The following TSPAN9 variants were observed in gnomAD, a reference collection of about 807,000 sequenced individuals.
The protein encoded by TSPAN9 is tetraspanin-9.
A neutral mutation model predicts 31.0 loss-of-function variants in TSPAN9; 16 were observed. The ratio of observed to expected loss-of-function variants is 0.52; its 90% CI spans 0.35 to 0.78. The LOEUF is 0.78. Ranked by LOEUF, TSPAN9 falls within the 30% of genes least tolerant of loss-of-function variation. The probability of loss-of-function intolerance (pLI) is 0.01; values close to 1 mark genes in which losing one functional copy is unlikely to be tolerated. For synonymous variants in TSPAN9, 145 were observed against 121.6 expected (o/e 1.19, Z -1.27); for missense variants, 272 against 312.5 (o/e 0.87, Z 0.98).
intron 2 of TSPAN9, among the ~76,000 whole-genome samples, chr12:3,113,310 A>G (rs1368013264): frequency 1.3e-5 from 2 of 152,138 alleles, no homozygotes; most frequent in African/African-American, 2.4e-5. Flanking sequence ...CCTGCAAAGG[A>G]TGGAGAGAGC....
chr12:3,207,391 T>C (rs568818132), intron 3 of TSPAN9, among the ~76,000 whole-genome samples: 1 of 152,298 alleles, frequency 6.6e-6, no homozygotes, highest in Admixed American at 6.5e-5. Flanking sequence ...AGTTAAGTCT[T>C]CTGAGCCAGC....
chr12:3,128,400 C>T (rs527286663), intron 2 of TSPAN9, among the ~76,000 whole-genome samples: 6 of 152,250 alleles, frequency 3.9e-5, no homozygotes, highest in East Asian at 3.9e-4. Flanking sequence ...ACACAGAAGG[C>T]GTGATTTCAG....
chr12:3,140,838 G>A (rs1373747186), intron 2 of TSPAN9, among the ~76,000 whole-genome samples: 4 of 152,016 alleles, frequency 2.6e-5, no homozygotes, highest in Non-Finnish European at 5.9e-5. Context: ...GTGGACCAGG[G>A]GAGGTTTGGA....
intron 2 of TSPAN9, among the ~76,000 whole-genome samples, chr12:3,113,170 A>C (rs1010509048): frequency 6.6e-6 from 1 of 152,200 alleles, no homozygotes; most frequent in African/African-American, 2.4e-5. Context: ...GAGCCCATCA[A>C]GGGAATACAT....
chr12:3,234,122 A>G (rs1041533589), intron 3 of TSPAN9, among the ~76,000 whole-genome samples: 6 of 152,208 alleles, frequency 3.9e-5, no homozygotes, highest in African/African-American at 4.8e-5. Flanking sequence ...CCAAGTGCCT[A>G]TAAAAAAGAT....
chr12:3,205,757 G>A (rs902747242), intron 3 of TSPAN9, among the ~76,000 whole-genome samples: 2 of 151,748 alleles, frequency 1.3e-5, no homozygotes, highest in Admixed American at 6.6e-5. Flanking sequence ...AGGGGTTCAG[G>A]CTGTCTTCCT....
intron 6 of TSPAN9, 105 bp from the exon 7 acceptor site, chr12:3,281,093 G>A: frequency 6.6e-7 from 1 of 1,509,780 alleles, no homozygotes; most frequent in South Asian, 1.3e-5. Context: ...ACTGCAGGGT[G>A]GCCACTTTTG....
chr12:3,151,918 A>G (rs904477874), intron 2 of TSPAN9, among the ~76,000 whole-genome samples: 1 of 147,526 alleles, frequency 6.8e-6, no homozygotes, highest in Admixed American at 6.7e-5. Flanking sequence ...GTGAGACTCC[A>G]CCTCAAAAAA....
At chr12:3,177,822 AAG>A (rs1302627650) in intron 2 of TSPAN9, among the ~76,000 whole-genome samples, 3 of 152,210 alleles carry the variant, frequency 2.0e-5, no homozygotes, top group Non-Finnish European at 2.9e-5. Flanking sequence ...CCAGGAAACA[AAG>A]AAGTGAAATT....
chr12:3,177,433 G>A (rs908910503), intron 2 of TSPAN9, among the ~76,000 whole-genome samples: 5 of 144,770 alleles, frequency 3.5e-5, no homozygotes, highest in Admixed American at 2.7e-4. Context: ...CACTGTGCTC[G>A]GCCAAGAAAA....
At chr12:3,235,115 G>A (rs368539051) in intron 3 of TSPAN9, among the ~76,000 whole-genome samples, 7,931 of 136,032 alleles carry the variant, frequency 0.058, 334 homozygotes, top group South Asian at 0.077. Flanking sequence ...TGCAGTGAGC[G>A]GAGCTTGCAG....
intron 2 of TSPAN9, among the ~76,000 whole-genome samples, chr12:3,199,315 A>G (rs1307966536): frequency 6.6e-6 from 1 of 151,666 alleles, no homozygotes; most frequent in African/African-American, 2.4e-5. Flanking sequence ...TGCTCTCAGT[A>G]CTCTCTTCCT....
At chr12:3,215,615 C>T (rs1237148335) in intron 3 of TSPAN9, among the ~76,000 whole-genome samples, 1 of 152,254 alleles carries the variant, frequency 6.6e-6, no homozygotes. Flanking sequence ...CTCCACCAGG[C>T]AGCCCCAAGT....
chr12:3,113,739 G>T lies in TSPAN9; in HGVS notation c.-18+30020G>T, dbSNP rs373840254. Among the ~76,000 whole-genome samples, 274 of 152,274 alleles carry T rather than the reference G, an allele frequency of 1.8e-3. 2 individuals are homozygous for T. The highest frequency in any genetic ancestry group is 6.2e-3 in the African/African-American group (259 of 41,552). The stretch of plus-strand genomic sequence containing the variant: ...TTCGAGAGTGCCAGCTGCCATGCAT[G>T]CCCTGCCCTTCACTCTGCCCTGCAG... On this transcript the variant is annotated intron_variant, in intron 2 of 8. Transcript: ENST00000011898.
chr12:3,189,101 T>C (rs1188324474), intron 2 of TSPAN9, among the ~76,000 whole-genome samples: 1 of 152,166 alleles, frequency 6.6e-6, no homozygotes, highest in Non-Finnish European at 1.5e-5. Context: ...AAAATCAGTG[T>C]CCAAAAGAGA....
chr12:3,249,574 C>T (rs1036353940), intron 3 of TSPAN9, among the ~76,000 whole-genome samples: 8 of 152,234 alleles, frequency 5.3e-5, no homozygotes, highest in African/African-American at 1.9e-4. Context: ...GCCCGACGTT[C>T]CTGAGGGCCG....
intron 2 of TSPAN9, among the ~76,000 whole-genome samples, chr12:3,159,141 T>G (rs1372008339): frequency 6.6e-6 from 1 of 151,762 alleles, no homozygotes. Flanking sequence ...GTTCTCTTAC[T>G]TTTCCCATTA....
rs150792493 is a variant in TSPAN9 at position 3,143,863 on chromosome 12, A to G, written c.-17-57314A>G. On this transcript the variant is annotated intron_variant, in intron 2 of 8. Coordinates refer to ENST00000011898, the MANE Select transcript of TSPAN9 (RefSeq NM_006675.5). This position sits in a 1 kb window ranked among gnomAD's most constrained non-coding sequence, Gnocchi z 4.2. ...CCAGGCCTGAATCAATCACTTCTCT[A>G]AGGAGCTCTGCTTCTTTTTGCTGGA... Among the ~76,000 whole-genome samples the G allele has an allele frequency of 7.2e-5, 11 of 152,212 alleles. No homozygotes were observed. The highest frequency in any genetic ancestry group is 2.4e-4 in the African/African-American group (10 of 41,510).
chr12:3,186,694 T>C (rs2098361611), intron 2 of TSPAN9, among the ~76,000 whole-genome samples: 1 of 152,114 alleles, frequency 6.6e-6, no homozygotes, highest in African/African-American at 2.4e-5. Context: ...ATCACTGTAG[T>C]ATAAGAGCTA....
Sources: gnomAD v4.1 joint callset for allele counts (sites outside exome capture counted in the v4.1 genomes callset) on GRCh38, gnomAD v4.1.1 for gene constraint, Gnocchi (gnomAD v3.1) non-coding constraint, MANE v1.5 for transcripts, NCBI Gene and HGNC (gene_info 2026-07-23, HGNC 2026-07-21) for gene names.